Variants in TPST1 observed in about 807,000 individuals in gnomAD.
TPST1 encodes protein-tyrosine sulfotransferase 1.
A neutral mutation model predicts 34.8 loss-of-function variants in TPST1; 20 were observed. The ratio of observed to expected loss-of-function variants is 0.57; its 90% CI spans 0.40 to 0.84. The LOEUF (loss-of-function observed/expected upper bound fraction) is 0.84, where lower values mean the gene tolerates loss of function less well. Among genes scored for constraint, TPST1 ranks in the 40% least tolerant of loss-of-function variants. The pLI, the probability that TPST1 is intolerant of heterozygous loss-of-function variation, is 0.00. For missense variants in TPST1, 353 were observed against 455.5 expected (o/e 0.78, Z 2.05); for synonymous variants, 152 against 159.4 (o/e 0.95, Z 0.35).
chr7:66,248,867 G>A (rs1651459598), intron 2 of TPST1, among the ~76,000 whole-genome samples: 1 of 152,108 alleles, frequency 6.6e-6, no homozygotes, highest in Non-Finnish European at 1.5e-5. Context: ...CATTTGGGCT[G>A]CTATAACAAA....
At chr7:66,240,219 A>G (rs1789999840) in intron 1 of TPST1, 106 bp from the exon 2 acceptor site, 1 of 650,554 alleles carries the variant, frequency 1.5e-6, no homozygotes, top group African/African-American at 1.8e-5. Context: ...AAAGAATCCA[A>G]GACTGTTTCA....
At chr7:66,238,969 CT>C (rs1363583809) in intron 1 of TPST1, among the ~76,000 whole-genome samples, 1 of 152,208 alleles carries the variant, frequency 6.6e-6, no homozygotes, top group Non-Finnish European at 1.5e-5. Flanking sequence ...GCATGGAGTG[CT>C]TCCTGTGTCC....
intron 3 of TPST1, among the ~76,000 whole-genome samples, chr7:66,327,740 C>CGTGTGT (rs3060053): frequency 3.4e-5 from 5 of 147,342 alleles, no homozygotes; most frequent in African/African-American, 1.3e-4. Context: ...AAAAAAAGTG[C>CGTGTGT]GTGTGTGTGT....
chr7:66,327,683 A>G (rs966210329), intron 3 of TPST1, among the ~76,000 whole-genome samples: 3 of 151,682 alleles, frequency 2.0e-5, no homozygotes, highest in African/African-American at 2.4e-5. Flanking sequence ...TGATTGTGCT[A>G]CTGTACTCCA....
intron 2 of TPST1, among the ~76,000 whole-genome samples, chr7:66,266,312 T>G (rs1413430629): frequency 6.6e-6 from 1 of 151,880 alleles, no homozygotes; most frequent in Non-Finnish European, 1.5e-5. Flanking sequence ...GTATTATTAG[T>G]CCATAGGGAA....
At chr7:66,299,316 T>TTA (rs397705857) in intron 3 of TPST1, among the ~76,000 whole-genome samples, 2 of 150,768 alleles carry the variant, frequency 1.3e-5, no homozygotes, top group African/African-American at 4.9e-5. Context: ...TTTTTTTTTT[T>TTA]AATTTGAAAA....
intron 1 of TPST1, among the ~76,000 whole-genome samples, chr7:66,226,980 C>T (rs1789668135): frequency 7.0e-6 from 1 of 142,366 alleles, no homozygotes; most frequent in Non-Finnish European, 1.5e-5. Context: ...AGTGGAAAAA[C>T]AGGCGGAGAA....
upstream of TPST1, among the ~76,000 whole-genome samples, chr7:66,202,434 C>T (rs77244996): frequency 1.2e-3 from 190 of 152,286 alleles, 1 homozygote; most frequent in Middle Eastern, 0.037. Flanking sequence ...ATCTAGAATT[C>T]GTTCTCACAG....
chr7:66,262,009 G>A (rs535982394), intron 2 of TPST1, among the ~76,000 whole-genome samples: 1 of 152,166 alleles, frequency 6.6e-6, no homozygotes, highest in Non-Finnish European at 1.5e-5. Flanking sequence ...GTGTGTGTAT[G>A]TAAAGATGAG....
At chr7:66,349,799 G>A (rs1353845889) in intron 3 of TPST1, among the ~76,000 whole-genome samples, 1 of 151,894 alleles carries the variant, frequency 6.6e-6, no homozygotes, top group East Asian at 1.9e-4. Context: ...TTGAGAATCT[G>A]GTAAAAACAA....
intron 3 of TPST1, among the ~76,000 whole-genome samples, chr7:66,315,698 G>A (rs142532274): frequency 1.1e-3 from 160 of 152,300 alleles, no homozygotes; most frequent in African/African-American, 3.5e-3. Flanking sequence ...CTTGGTTCTT[G>A]CCACATGAAT....
Position 66,286,635 on chromosome 7 carries a change from C to T in TPST1, c.970C>T (p.Leu324Phe). The T allele has an allele frequency of 3.1e-6, 5 of 1,608,884 alleles. No homozygotes were observed. Among genetic ancestry groups the T allele is most frequent in the Non-Finnish European group, 4.2e-6 (5 of 1,176,984 alleles). The change falls in exon 3 of 6, where the codon CTT (leucine) becomes TTT (phenylalanine). Residue 324 changes from leucine to phenylalanine, a missense_variant. Leu to Phe is a conservative substitution (Grantham distance 22). Coordinates refer to ENST00000304842, the MANE Select transcript of TPST1 (RefSeq NM_003596.4). ...AGTGATTGCTCCTATGCTTGCCAAG[C>T]TTGGATATGACCCATATGCCAACCC... ...MAVIAPMLAK[L>F]GYDPYANPPN...
At chr7:66,211,028 G>A (rs1789232440) in intron 1 of TPST1, among the ~76,000 whole-genome samples, 2 of 146,150 alleles carry the variant, frequency 1.4e-5, no homozygotes, top group Admixed American at 1.4e-4. Context: ...TATTGCCTTT[G>A]TTGACATAGT....
intron 2 of TPST1, among the ~76,000 whole-genome samples, chr7:66,274,981 TCAGGAGGTCGAGA>T (rs1279881157): frequency 6.6e-6 from 1 of 151,924 alleles, no homozygotes; most frequent in Non-Finnish European, 1.5e-5. Flanking sequence ...GATCACGAGG[TCAGGAGGTCGAGA>T]CCATGCTGGC....
chr7:66,221,380 C>T (rs1355849917), intron 1 of TPST1, among the ~76,000 whole-genome samples: 1 of 152,068 alleles, frequency 6.6e-6, no homozygotes, highest in Admixed American at 6.6e-5. Flanking sequence ...GGAGAAACTA[C>T]ATAAAGGTTC....
chr7:66,202,495 T>C (rs1789043872), upstream of TPST1, among the ~76,000 whole-genome samples: 1 of 152,174 alleles, frequency 6.6e-6, no homozygotes, highest in African/African-American at 2.4e-5. Context: ...GGCTACTCAA[T>C]TCTTTTTCTA....
At chr7:66,329,474 C>T (rs1261381061) in intron 3 of TPST1, among the ~76,000 whole-genome samples, 2 of 151,938 alleles carry the variant, frequency 1.3e-5, no homozygotes, top group East Asian at 3.9e-4. Context: ...TATTATGCTT[C>T]CTCAGCGCAT....
intron 3 of TPST1, among the ~76,000 whole-genome samples, chr7:66,340,047 ATACT>A (rs1276438707): frequency 6.6e-6 from 1 of 152,074 alleles, no homozygotes; most frequent in Non-Finnish European, 1.5e-5. Flanking sequence ...TAGAAGGAAC[ATACT>A]TCGGTGAGGT....
intron 3 of TPST1, among the ~76,000 whole-genome samples, chr7:66,297,807 G>A (rs1791232294): frequency 6.6e-6 from 1 of 152,200 alleles, no homozygotes. Flanking sequence ...ATGCATACTT[G>A]TGTTTTCTGG....
Sources: allele counts gnomAD v4.1 joint callset (sites outside exome capture counted in the v4.1 genomes callset), GRCh38; gene constraint gnomAD v4.1.1; transcripts MANE v1.5; gene names NCBI Gene and HGNC (gene_info 2026-07-23, HGNC 2026-07-21).